ZFHX3: variants seen among roughly 807,000 people sequenced by gnomAD.
ZFHX3 encodes the protein zinc finger homeobox 3, also known as zinc finger homeobox protein 3.
A neutral mutation model predicts 279.1 loss-of-function variants in ZFHX3; 42 were observed. The observed-to-expected ratio is 0.15, with a 90% CI of 0.12 to 0.19. The LOEUF is 0.19. ZFHX3 is among the 10% of genes least tolerant of loss of function. The pLI, the probability that ZFHX3 is intolerant of heterozygous loss-of-function variation, is 1.00. For missense variants in ZFHX3, 4,981 were observed against 4,754.0 expected (o/e 1.05, Z -1.40); for synonymous variants, 2,293 against 1,957.8 (o/e 1.17, Z -4.52).
At chr16:73,875,100 T>G (rs1009468355) in intron 1 of ZFHX3, among the ~76,000 whole-genome samples, 7 of 152,220 alleles carry the variant, frequency 4.6e-5, no homozygotes, top group African/African-American at 1.4e-4. Context: ...GTTATAAATG[T>G]TTAAAATGTT....
chr16:73,439,724 C>T (rs2143533574), intron 3 of ZFHX3, among the ~76,000 whole-genome samples: 1 of 152,032 alleles, frequency 6.6e-6, no homozygotes, highest in South Asian at 2.1e-4. Flanking sequence ...TGCTGATCTG[C>T]TTTGATTTCT....
chr16:73,197,113 T>A (rs566606858), intron 5 of ZFHX3, among the ~76,000 whole-genome samples: 3 of 152,316 alleles, frequency 2.0e-5, no homozygotes, highest in African/African-American at 7.2e-5. Flanking sequence ...CCTTCAACTT[T>A]AATGCATTTT....
intron 2 of ZFHX3, among the ~76,000 whole-genome samples, chr16:73,522,499 C>T (rs944610398): frequency 5.9e-5 from 9 of 152,032 alleles, no homozygotes; most frequent in Middle Eastern, 3.2e-3. Context: ...AACTGGGATT[C>T]GGGAAAATGG....
intron 1 of ZFHX3, among the ~76,000 whole-genome samples, chr16:73,721,145 CAG>C (rs2142238031): frequency 6.6e-6 from 1 of 151,852 alleles, no homozygotes; most frequent in Admixed American, 6.6e-5. Context: ...TTTTTTTTGA[CAG>C]AGTCTCACTC....
At chr16:72,890,019 G>A in intron 3 of ZFHX3, 57 bp from the exon 4 acceptor site, 1 of 1,495,414 alleles carries the variant, frequency 6.7e-7, no homozygotes, top group African/African-American at 1.4e-5. Flanking sequence ...AGCGGCCACT[G>A]GCATCAGCCC....
At chr16:73,145,157 A>C (rs907301772) in intron 5 of ZFHX3, among the ~76,000 whole-genome samples, 1 of 152,018 alleles carries the variant, frequency 6.6e-6, no homozygotes, top group Non-Finnish European at 1.5e-5. Context: ...CTTAGGTTCA[A>C]CTCGGGCTTG....
intron 4 of ZFHX3, among the ~76,000 whole-genome samples, chr16:73,306,069 G>C (rs1446416246): frequency 3.6e-4 from 55 of 152,314 alleles, no homozygotes; most frequent in Non-Finnish European, 5.9e-5. Flanking sequence ...GACGCGACCT[G>C]TGGACCACAC....
At chr16:73,183,896 CT>C (rs1967853630) in intron 5 of ZFHX3, among the ~76,000 whole-genome samples, 1 of 152,024 alleles carries the variant, frequency 6.6e-6, no homozygotes, top group African/African-American at 2.4e-5. Context: ...GAAAAAATCT[CT>C]CTTTGCCCTG....
At chr16:73,509,368 C>A (rs766406974) in intron 2 of ZFHX3, among the ~76,000 whole-genome samples, 2 of 151,846 alleles carry the variant, frequency 1.3e-5, no homozygotes, top group Non-Finnish European at 2.9e-5. Flanking sequence ...ACCCCCTAAA[C>A]AATCCATCAG....
At chr16:73,162,584 T>C (rs1967264820) in intron 5 of ZFHX3, among the ~76,000 whole-genome samples, 1 of 152,158 alleles carries the variant, frequency 6.6e-6, no homozygotes, top group African/African-American at 2.4e-5. Context: ...GTCATAATTA[T>C]AGAAATAAAG....
In ZFHX3 at chr16:72,958,767, T is replaced by A; in HGVS notation, c.1379A>T (p.Glu460Val). Residue 460 changes from glutamate (E) to valine (V), a missense_variant, in exon 2 of 10, where the codon GAA becomes GTA. This residue lies in a region of ZFHX3 where 1,068 missense variants were observed against 935.2 expected (regional missense o/e 1.14). Coordinates refer to ENST00000268489, the MANE Select transcript of ZFHX3 (RefSeq NM_006885.4). The stretch of plus-strand genomic sequence containing the variant: ...CTCCTCTTCCTCCTCCGCCTCCTCT[T>A]CGGCTGGCTCTACCTTCTCAGAGAA... ...DCFSEKVEPA[E>V]EEAEEEEEEE... The A allele has an allele frequency of 1.2e-6, 2 of 1,614,038 alleles. No individual in the cohort carries two copies. Among genetic ancestry groups the A allele is most frequent in the Non-Finnish European group, 8.5e-7 (1 of 1,180,014 alleles).
chr16:73,557,361 A>G (rs1286894694), intron 2 of ZFHX3, among the ~76,000 whole-genome samples: 3 of 152,168 alleles, frequency 2.0e-5, no homozygotes, highest in Admixed American at 6.5e-5. Context: ...CCAGACCTCA[A>G]GAGAGGATTC....
At chr16:73,063,140 C>A (rs1283876790), upstream of ZFHX3, among the ~76,000 whole-genome samples, 1 of 152,194 alleles carries the variant, frequency 6.6e-6, no homozygotes, top group Non-Finnish European at 1.5e-5. Context: ...GGGCTGCTCG[C>A]AGTGCCGGGG....
intron 5 of ZFHX3, among the ~76,000 whole-genome samples, chr16:73,230,921 C>CA (rs1351368000): frequency 6.6e-6 from 1 of 152,204 alleles, no homozygotes; most frequent in African/African-American, 2.4e-5. Context: ...ATTGAATCCT[C>CA]ATGCGGAGGT....
At chr16:73,362,658 A>C (rs139844290) in intron 3 of ZFHX3, among the ~76,000 whole-genome samples, 2 of 152,350 alleles carry the variant, frequency 1.3e-5, no homozygotes, top group African/African-American at 2.4e-5. Flanking sequence ...AATATAAGAC[A>C]AGGCAGGGCA....
chr16:72,885,865 G>C (rs139410093), intron 4 of ZFHX3, among the ~76,000 whole-genome samples: 3 of 152,280 alleles, frequency 2.0e-5, no homozygotes, highest in African/African-American at 4.8e-5. Flanking sequence ...GTCAGAGTGG[G>C]TGGGGCTCCT....
intron 1 of ZFHX3, among the ~76,000 whole-genome samples, chr16:73,689,890 G>A (rs868629727): frequency 6.6e-6 from 1 of 150,834 alleles, no homozygotes; most frequent in Non-Finnish European, 1.5e-5. Context: ...AGTGGTGCAC[G>A]CTCACTGCAA....
At chr16:72,816,856 A>C (rs1037468560) in intron 5 of ZFHX3, among the ~76,000 whole-genome samples, 4 of 152,208 alleles carry the variant, frequency 2.6e-5, no homozygotes, top group African/African-American at 9.7e-5. Flanking sequence ...TAGGGGGAAA[A>C]TCATTTATGC....
At chr16:73,697,785 A>C (rs1273102262) in intron 1 of ZFHX3, among the ~76,000 whole-genome samples, 3 of 152,240 alleles carry the variant, frequency 2.0e-5, no homozygotes, top group African/African-American at 4.8e-5. Context: ...AACAATTCTA[A>C]ATCATTTATG....
Sources: allele counts gnomAD v4.1 joint callset (sites outside exome capture counted in the v4.1 genomes callset), GRCh38; gene constraint gnomAD v4.1.1; regional missense constraint gnomAD v4.1.1; transcripts MANE v1.5; gene names NCBI Gene and HGNC (gene_info 2026-07-23, HGNC 2026-07-21).